Variants in GPM6A observed in about 807,000 individuals in gnomAD.
GPM6A encodes the protein neuronal membrane glycoprotein M6-a.
A neutral mutation model predicts 32.1 loss-of-function variants in GPM6A; 7 were observed. The ratio of observed to expected loss-of-function variants is 0.22; its 90% confidence interval spans 0.12 to 0.41. The LOEUF is 0.41. Ranked by LOEUF, GPM6A falls within the 10% of genes least tolerant of loss-of-function variation. GPM6A has a pLI of 1.00. For missense variants in GPM6A, 235 were observed against 347.2 expected (o/e 0.68, Z 2.57); for synonymous variants, 130 against 123.4 (o/e 1.05, Z -0.35).
At chr4:175,787,494 T>G (rs1733848146) in intron 1 of GPM6A, 3 of 1,475,470 alleles carry the variant, frequency 2.0e-6, no homozygotes, top group Middle Eastern at 1.8e-4. Context: ...AGTCACTATT[T>G]TTGGTCCTTT....
At chr4:175,647,774 T>C (rs1741545277) in intron 4 of GPM6A, among the ~76,000 whole-genome samples, 1 of 152,200 alleles carries the variant, frequency 6.6e-6, no homozygotes, top group Non-Finnish European at 1.5e-5. Flanking sequence ...CCTAATACAA[T>C]GTTTGAGGAA....
At chr4:175,685,431 T>C (rs1034781185) in intron 2 of GPM6A, among the ~76,000 whole-genome samples, 6 of 152,212 alleles carry the variant, frequency 3.9e-5, no homozygotes, top group African/African-American at 1.4e-4. Context: ...TTAAGGTCCT[T>C]AATTTACTTT....
At chr4:175,714,630 C>G (rs1184804081) in intron 1 of GPM6A, among the ~76,000 whole-genome samples, 1 of 152,106 alleles carries the variant, frequency 6.6e-6, no homozygotes, top group Non-Finnish European at 1.5e-5. Flanking sequence ...GGCAATTTCT[C>G]AAGTGGTTAT....
intron 1 of GPM6A, among the ~76,000 whole-genome samples, chr4:175,839,811 T>A (rs916548433): frequency 6.6e-6 from 1 of 152,212 alleles, no homozygotes; most frequent in Non-Finnish European, 1.5e-5. Flanking sequence ...TTTCTTGATG[T>A]CTTTATTGCC....
intron 1 of GPM6A, among the ~76,000 whole-genome samples, chr4:175,781,911 G>A (rs1010299451): frequency 6.6e-5 from 10 of 152,036 alleles, no homozygotes; most frequent in South Asian, 2.1e-4. Flanking sequence ...TTTTTAAAGC[G>A]TGGTTTTATA....
intron 2 of GPM6A, among the ~76,000 whole-genome samples, chr4:175,688,916 A>G (rs1379925051): frequency 6.6e-6 from 1 of 152,110 alleles, no homozygotes; most frequent in East Asian, 1.9e-4. Flanking sequence ...GTAGCGGTGC[A>G]ATCATAGCTC....
intron 1 of GPM6A, among the ~76,000 whole-genome samples, chr4:175,963,086 GA>G (rs969796569): frequency 1.1e-4 from 17 of 150,750 alleles, no homozygotes; most frequent in Admixed American, 1.3e-4. Context: ...CAGTAAGCTT[GA>G]AAAAAAAGTC....
intron 4 of GPM6A, among the ~76,000 whole-genome samples, chr4:175,650,414 C>T (rs1474308439): frequency 3.3e-5 from 5 of 152,038 alleles, no homozygotes; most frequent in African/African-American, 1.2e-4. Flanking sequence ...AAGAAATTCT[C>T]CTGCCTCAGC....
At chr4:175,781,445 C>G (rs1459947035) in intron 1 of GPM6A, 1 of 152,238 alleles carries the variant, frequency 6.6e-6, no homozygotes, top group African/African-American at 2.4e-5. Flanking sequence ...AATTCCCTCT[C>G]AACTTCAACC....
intron 1 of GPM6A, among the ~76,000 whole-genome samples, chr4:175,834,345 G>A (rs988633110): frequency 1.3e-5 from 2 of 152,072 alleles, no homozygotes; most frequent in Non-Finnish European, 2.9e-5. Context: ...TTTTTAGTTT[G>A]TTTTATTCTT....
intron 1 of GPM6A, among the ~76,000 whole-genome samples, chr4:175,717,653 T>G (rs987485805): frequency 6.6e-6 from 1 of 152,134 alleles, no homozygotes; most frequent in East Asian, 1.9e-4. Flanking sequence ...TAAAGACAAT[T>G]AAAGAAGAGA....
chr4:175,692,216 A>C (rs1406874860), intron 2 of GPM6A, among the ~76,000 whole-genome samples: 2 of 152,152 alleles, frequency 1.3e-5, no homozygotes, highest in Admixed American at 1.3e-4. Flanking sequence ...ATATTATGTA[A>C]TATTTGTTCT....
intron 1 of GPM6A, among the ~76,000 whole-genome samples, chr4:175,742,196 G>A (rs1731914367): frequency 6.6e-6 from 1 of 151,932 alleles, no homozygotes; most frequent in Admixed American, 6.6e-5. Context: ...TTGCAATGTG[G>A]GACAGGAAGT....
intron 1 of GPM6A, among the ~76,000 whole-genome samples, chr4:175,855,580 G>C (rs968942041): frequency 1.3e-5 from 2 of 152,142 alleles, no homozygotes; most frequent in African/African-American, 2.4e-5. Flanking sequence ...CAACAAAATT[G>C]TTTTCTACTG....
chr4:175,980,398 A>C (rs922739485), intron 1 of GPM6A, among the ~76,000 whole-genome samples: 2 of 152,170 alleles, frequency 1.3e-5, no homozygotes, highest in Non-Finnish European at 2.9e-5. Flanking sequence ...CCTCACCGTA[A>C]GATCATTTAA....
chr4:175,636,277 T>TATATATATAC (rs1486650539), intron 6 of GPM6A, among the ~76,000 whole-genome samples: 1 of 125,252 alleles, frequency 8.0e-6, no homozygotes, highest in Non-Finnish European at 1.7e-5. Context: ...TATATATATA[T>TATATATATAC]ATATATATAT....
chr4:175,749,272 C>T (rs185181301), intron 1 of GPM6A, among the ~76,000 whole-genome samples: 17 of 152,110 alleles, frequency 1.1e-4, no homozygotes, highest in South Asian at 4.2e-4. Context: ...AATCACTGAT[C>T]GCAGATCACC....
At chr4:175,674,201 C>G (rs1743236384) in intron 2 of GPM6A, among the ~76,000 whole-genome samples, 1 of 152,140 alleles carries the variant, frequency 6.6e-6, no homozygotes, top group Non-Finnish European at 1.5e-5. Flanking sequence ...TATTTTGAGA[C>G]AGAGACTGCT....
chr4:175,976,102 T>TA (rs1740649233), intron 1 of GPM6A, among the ~76,000 whole-genome samples: 1 of 152,140 alleles, frequency 6.6e-6, no homozygotes, highest in Non-Finnish European at 1.5e-5. Flanking sequence ...CTGATGTTTT[T>TA]ACCAGGTTTT....
Sources: allele counts gnomAD v4.1 joint callset (sites outside exome capture counted in the v4.1 genomes callset), GRCh38; gene constraint gnomAD v4.1.1; transcripts MANE v1.5; gene names NCBI Gene and HGNC (gene_info 2026-07-23, HGNC 2026-07-21).